The following FARS2 variants were observed in gnomAD, a reference collection of about 807,000 sequenced individuals.
The protein encoded by FARS2 is phenylalanyl-tRNA synthetase 2, mitochondrial.
Under a neutral mutation model 46.4 loss-of-function variants are expected in FARS2, and 40 were observed. The observed-to-expected ratio is 0.86, with a 90% CI of 0.67 to 1.12. The LOEUF (loss-of-function observed/expected upper bound fraction) is 1.12, where lower values mean the gene tolerates loss of function less well. Ranked by LOEUF, FARS2 falls within the 50% of genes most tolerant of loss-of-function variation. The pLI is 0.00. For missense variants in FARS2, 513 were observed against 567.9 expected (o/e 0.90, Z 0.98); for synonymous variants, 234 against 214.9 (o/e 1.09, Z -0.78).
At chr6:5,617,486 G>T (rs930526238) in intron 6 of FARS2, among the ~76,000 whole-genome samples, 3 of 152,180 alleles carry the variant, frequency 2.0e-5, no homozygotes, top group African/African-American at 7.2e-5. Flanking sequence ...CCCTGCCCCC[G>T]TCCTTCTGCC....
intron 4 of FARS2, among the ~76,000 whole-genome samples, chr6:5,530,914 G>A (rs1466756338): frequency 6.8e-6 from 1 of 147,338 alleles, no homozygotes; most frequent in East Asian, 2.0e-4. Context: ...ACTATATAAT[G>A]TATAAATATA....
chr6:5,418,874 TTTA>T (rs111451171), intron 3 of FARS2, among the ~76,000 whole-genome samples: 199 of 150,048 alleles, frequency 1.3e-3, no homozygotes, highest in South Asian at 1.1e-3. Flanking sequence ...TATTTGTCTT[TTTA>T]TTATTATTAT....
chr6:5,448,960 A>AGACATCTAGGTAGG (rs1223628299), intron 4 of FARS2, among the ~76,000 whole-genome samples: 1 of 152,224 alleles, frequency 6.6e-6, no homozygotes, highest in Non-Finnish European at 1.5e-5. Flanking sequence ...AGTGTCTATA[A>AGACATCTAGGTAGG]GACATCTAGG....
intron 1 of FARS2, among the ~76,000 whole-genome samples, chr6:5,315,245 C>T (rs1244737221): frequency 1.3e-5 from 2 of 152,150 alleles, no homozygotes; most frequent in Non-Finnish European, 2.9e-5. Context: ...GGTTAAGACC[C>T]GTTTGCCCCA....
chr6:5,566,533 G>T (rs182233180), intron 5 of FARS2, among the ~76,000 whole-genome samples: 5 of 152,240 alleles, frequency 3.3e-5, no homozygotes, highest in Non-Finnish European at 5.9e-5. Context: ...TTTTTCCCCA[G>T]AAGTCCCATA....
chr6:5,325,693 C>G lies in FARS2; in HGVS notation c.-21-42857C>G, dbSNP rs544926248. On this transcript the variant is annotated intron_variant, in intron 1 of 6. Transcript: ENST00000274680. ...TGTTTATGAACATGCTTCAATTTATCCTTTTTGATGAAAATTTTAAATGAT... is the reference window on the plus strand; with the variant it reads ...TGTTTATGAACATGCTTCAATTTATGCTTTTTGATGAAAATTTTAAATGAT... Among the ~76,000 whole-genome samples the G allele has an allele frequency of 2.9e-3, 436 of 152,204 alleles. 3 individuals carry two copies. The highest frequency in any genetic ancestry group is 5.0e-3 in the Non-Finnish European group (339 of 67,994).
chr6:5,453,111 G>C lies in FARS2; in HGVS notation c.904+21939G>C, dbSNP rs566303884. On this transcript the variant is annotated intron_variant, in intron 4 of 6. Coordinates refer to ENST00000274680, the MANE Select transcript of FARS2 (RefSeq NM_006567.5). ...TTTGCACAACATAGTAAATTGTGGA[G>C]GACTAAAGCATCCTTCGCTTAACTA... Among the ~76,000 whole-genome samples the C allele has an allele frequency of 2.0e-5, 3 of 152,284 alleles. No individual in the cohort carries two copies. The South Asian group carries it at 6.2e-4, about 32-fold the overall frequency.
At chr6:5,263,155 A>G (rs1169994290) in intron 1 of FARS2, among the ~76,000 whole-genome samples, 2 of 152,242 alleles carry the variant, frequency 1.3e-5, no homozygotes, top group Admixed American at 6.5e-5. Context: ...TTTTGAGAGT[A>G]AAGTTGGAAT....
chr6:5,257,831 G>T (rs557488918), upstream of FARS2, among the ~76,000 whole-genome samples: 2 of 152,292 alleles, frequency 1.3e-5, no homozygotes, highest in Admixed American at 1.3e-4. Flanking sequence ...TGCCAAGAAG[G>T]TTGGGGATAG....
chr6:5,324,443 CTTTTTTT>C (rs745311767), intron 1 of FARS2, among the ~76,000 whole-genome samples: 5 of 88,262 alleles, frequency 5.7e-5, no homozygotes, highest in South Asian at 3.7e-4. Flanking sequence ...AGACTATTTG[CTTTTTTT>C]TTTTTTTTTT....
At chr6:5,458,535 G>A (rs994888590) in intron 4 of FARS2, among the ~76,000 whole-genome samples, 3 of 152,128 alleles carry the variant, frequency 2.0e-5, no homozygotes, top group Non-Finnish European at 4.4e-5. Context: ...ATTATTAAGA[G>A]CATAAAATCA....
chr6:5,501,907 T>C (rs115526038), intron 4 of FARS2, among the ~76,000 whole-genome samples: 42 of 152,330 alleles, frequency 2.8e-4, no homozygotes, highest in African/African-American at 9.9e-4. Context: ...TCCAGTCACA[T>C]GTGAGATGCG....
At chr6:5,502,347 A>G (rs1767853883) in intron 4 of FARS2, among the ~76,000 whole-genome samples, 1 of 152,232 alleles carries the variant, frequency 6.6e-6, no homozygotes, top group Non-Finnish European at 1.5e-5. Context: ...GGTTTGTCAC[A>G]TTTTATAGGG....
intron 6 of FARS2, among the ~76,000 whole-genome samples, chr6:5,730,700 A>T (rs1241225754): frequency 1.3e-5 from 2 of 152,184 alleles, no homozygotes; most frequent in East Asian, 3.9e-4. Context: ...AAGAGTTGGC[A>T]ATCTTCTAGA....
the FARS2 span, among the ~76,000 whole-genome samples, chr6:5,252,257 G>C: frequency 6.6e-6 from 1 of 152,172 alleles, no homozygotes. Flanking sequence ...GAAAAGAATG[G>C]GGTTGTGGAA....
At chr6:5,293,115 A>G (rs1383696339) in intron 1 of FARS2, among the ~76,000 whole-genome samples, 1 of 152,258 alleles carries the variant, frequency 6.6e-6, no homozygotes, top group African/African-American at 2.4e-5. Context: ...GTGGTAGAGC[A>G]GAATCCAGAA....
rs56006290 is a variant in FARS2 at position 5,547,141 on chromosome 6, A to G, written c.1065+1801A>G. ...TAACTTTTGTATTTTTAGTAGATAC[A>G]GGGTTTCACCATGTTGGCCAGGCTG... is the stretch of plus-strand genomic sequence containing the variant. On this transcript the variant is annotated intron_variant, in intron 5 of 6. Transcript: ENST00000274680. 4.9e-3 allele frequency among the ~76,000 whole-genome samples: 739 copies of G among 151,722 alleles called. 4 individuals carry two copies. The highest frequency in any genetic ancestry group is 0.017 in the African/African-American group (693 of 41,394).
At chr6:5,710,837 C>T (rs1215498284) in intron 6 of FARS2, among the ~76,000 whole-genome samples, 2 of 152,200 alleles carry the variant, frequency 1.3e-5, no homozygotes, top group Admixed American at 6.5e-5. Flanking sequence ...GCAGAAAAAT[C>T]TCTGAGCTCA....
rs377298065 is a variant in FARS2, at chr6:5,552,013, G to A, written c.1065+6673G>A. Among the ~76,000 whole-genome samples, 32 of 152,326 alleles carry A rather than the reference G, an allele frequency of 2.1e-4. 1 individual carries two copies. In the South Asian group the frequency reaches 4.6e-3, roughly 22 times the overall value. On this transcript the variant is annotated intron_variant, in intron 5 of 6. Coordinates refer to ENST00000274680, the MANE Select transcript of FARS2 (RefSeq NM_006567.5). ...CGTATTCTCAGGTTCCAGGGAGTAA[G>A]AGATGGATATCTGTGGAAGGGGGCT...
Sources: gnomAD v4.1 joint callset for allele counts (sites outside exome capture counted in the v4.1 genomes callset) on GRCh38, gnomAD v4.1.1 for gene constraint, MANE v1.5 for transcripts, NCBI Gene and HGNC (gene_info 2026-07-23, HGNC 2026-07-21) for gene names.